The following SEMA3E variants were observed in gnomAD, a reference collection of about 807,000 sequenced individuals.
The protein encoded by SEMA3E is semaphorin 3E.
A neutral mutation model predicts 93.6 loss-of-function variants in SEMA3E; 49 were observed. The ratio of observed to expected loss-of-function variants is 0.52; its 90% confidence interval spans 0.42 to 0.66. SEMA3E has a LOEUF of 0.66. Ranked by LOEUF, SEMA3E falls within the 30% of genes least tolerant of loss-of-function variation. The probability of loss-of-function intolerance (pLI) is 0.00; values close to 1 mark genes in which losing one functional copy is unlikely to be tolerated. For synonymous variants in SEMA3E, 363 were observed against 330.7 expected, an observed-to-expected ratio of 1.10 and a Z score of -1.06; for missense variants, 906 against 964.8, an observed-to-expected ratio of 0.94 and a Z score of 0.81.
At chr7:83,376,846 T>C (rs150170298) in intron 16 of SEMA3E, among the ~76,000 whole-genome samples, 1 of 152,146 alleles carries the variant, frequency 6.6e-6, no homozygotes, top group East Asian at 1.9e-4. Context: ...GAAACACATA[T>C]TTCCTCTTAA....
chr7:83,647,766 T>C (rs1428308142), intron 1 of SEMA3E, among the ~76,000 whole-genome samples: 1 of 152,224 alleles, frequency 6.6e-6, no homozygotes, highest in Non-Finnish European at 1.5e-5. Flanking sequence ...TGAATACTAA[T>C]ACTTTAATCC....
intron 4 of SEMA3E, among the ~76,000 whole-genome samples, chr7:83,443,546 T>C (rs1405592042): frequency 6.6e-6 from 1 of 152,098 alleles, no homozygotes; most frequent in Non-Finnish European, 1.5e-5. Context: ...AGGGTTGAAA[T>C]AAAAGCAGTT....
intron 1 of SEMA3E, among the ~76,000 whole-genome samples, chr7:83,503,136 A>G (rs909867696): frequency 2.6e-5 from 4 of 151,970 alleles, no homozygotes; most frequent in African/African-American, 9.7e-5. Context: ...CAGGGCTCAT[A>G]ATATAGGCTC....
intron 1 of SEMA3E, chr7:83,612,750 A>G (rs1056734980): frequency 1.3e-5 from 2 of 152,164 alleles, no homozygotes; most frequent in African/African-American, 4.8e-5. Flanking sequence ...ACAAGCCCAC[A>G]CTTGCCCTTG....
At chr7:83,621,451 C>G (rs890751873) in intron 1 of SEMA3E, among the ~76,000 whole-genome samples, 8 of 152,084 alleles carry the variant, frequency 5.3e-5, no homozygotes, top group African/African-American at 1.9e-4. Flanking sequence ...ATGCCATTCC[C>G]ATTAAACTAC....
At chr7:83,646,216 G>A (rs555099280) in intron 1 of SEMA3E, among the ~76,000 whole-genome samples, 6 of 152,150 alleles carry the variant, frequency 3.9e-5, no homozygotes, top group South Asian at 2.1e-4. Context: ...AACACTTGTC[G>A]TTACTGACAT....
Position 83,400,128 on chromosome 7 carries a change from T to C in SEMA3E, c.1266A>G (p.Pro422=). 3.1e-6 allele frequency: 5 copies of C among 1,614,040 alleles called. No homozygotes were observed. Among genetic ancestry groups the C allele is most frequent in the Non-Finnish European group, 4.2e-6 (5 of 1,179,962 alleles). ...ATTTTCCATCTGTTTTTACCAATAT[T>C]GGTTTTTTATGGGCAGGTTTTATGG... ...YQAIKPAHKK[P]ILVKTDGKYN... Residue 422 remains proline (P), a synonymous_variant, in exon 11 of 17, where the codon CCA becomes CCG. Transcript: ENST00000643230.
chr7:83,445,897 G>A (rs964985850), intron 4 of SEMA3E, among the ~76,000 whole-genome samples: 7 of 152,126 alleles, frequency 4.6e-5, no homozygotes, highest in African/African-American at 1.7e-4. Context: ...TTTTAAATAG[G>A]AGATATTTCA....
chr7:83,408,456 G>A lies in SEMA3E; in HGVS notation c.582C>T (p.Asp194=). Residue 194 remains aspartate (D), a synonymous_variant, in exon 6 of 17, where the codon GAC becomes GAT. Transcript: ENST00000643230. ...AGATCGCAGCGTCTCTGCTCCAGTA[G>A]TCACTGTAGAGTCCAGCAAACAATT... ...GSELFAGLYS[D]YWSRDAAIFR... is the part of the protein sequence containing the mutation. 6.2e-7 allele frequency: 1 copy of A among 1,613,728 alleles called. No individual in the cohort carries two copies. The highest frequency in any genetic ancestry group is 8.5e-7 in the Non-Finnish European group (1 of 1,179,800).
intron 1 of SEMA3E, among the ~76,000 whole-genome samples, chr7:83,570,144 G>A (rs1248566439): frequency 2.6e-5 from 4 of 151,996 alleles, no homozygotes; most frequent in Admixed American, 6.6e-5. Flanking sequence ...GAAAACTAAG[G>A]CAGAAATCAA....
chr7:83,598,674 T>C (rs1385274433), intron 1 of SEMA3E, among the ~76,000 whole-genome samples: 1 of 152,110 alleles, frequency 6.6e-6, no homozygotes, highest in Non-Finnish European at 1.5e-5. Flanking sequence ...CTGGGAGAAG[T>C]CCAATCTTGT....
chr7:83,488,695 T>C (rs1485646450), intron 2 of SEMA3E, among the ~76,000 whole-genome samples: 2 of 152,122 alleles, frequency 1.3e-5, no homozygotes, highest in African/African-American at 4.8e-5. Context: ...GTGGTGGGCC[T>C]GAGAAACTGA....
rs1424610248 is a variant in SEMA3E at position 83,526,462 on chromosome 7, G to A, written c.116-36188C>T. Among the ~76,000 whole-genome samples, 3 of 152,130 alleles carry A rather than the reference G, an allele frequency of 2.0e-5. No homozygotes were observed. In the East Asian group the frequency reaches 5.8e-4, roughly 29 times the overall value. ...TATTGGATAAGGTAGAAGATCTGGGGTTCCAACTGCTTATTAAACAGACTT... is the reference window on the plus strand; with the variant it reads ...TATTGGATAAGGTAGAAGATCTGGGATTCCAACTGCTTATTAAACAGACTT... On this transcript the variant is annotated intron_variant, in intron 1 of 16. Transcript: ENST00000643230.
intron 1 of SEMA3E, among the ~76,000 whole-genome samples, chr7:83,566,208 G>A (rs1174141358): frequency 3.4e-5 from 5 of 147,822 alleles, no homozygotes; most frequent in South Asian, 4.3e-4. Context: ...GGGTTTTACC[G>A]TGCTGGTCAG....
intron 1 of SEMA3E, among the ~76,000 whole-genome samples, chr7:83,496,327 T>G (rs1161167534): frequency 2.0e-5 from 3 of 151,968 alleles, no homozygotes; most frequent in Non-Finnish European, 4.4e-5. Context: ...AATGAATGCA[T>G]TTTTTGCAGA....
intron 4 of SEMA3E, among the ~76,000 whole-genome samples, chr7:83,454,272 A>AAAATATAT (rs1257792756): frequency 1.9e-4 from 21 of 110,106 alleles, no homozygotes; most frequent in African/African-American, 8.7e-4. Flanking sequence ...AAAAAAAAAA[A>AAAATATAT]ATATATATAT....
At chr7:83,511,200 G>T (rs1484667988) in intron 1 of SEMA3E, among the ~76,000 whole-genome samples, 1 of 151,748 alleles carries the variant, frequency 6.6e-6, no homozygotes, top group Non-Finnish European at 1.5e-5. Context: ...TTTAACTCAT[G>T]CAGTTATAAA....
chr7:83,534,547 A>G (rs979604428), intron 1 of SEMA3E, among the ~76,000 whole-genome samples: 2 of 152,208 alleles, frequency 1.3e-5, no homozygotes, highest in Non-Finnish European at 2.9e-5. Context: ...GGTCTATAAA[A>G]TTGATTTCAC....
rs75349867 is a variant in SEMA3E, at chr7:83,583,244, G to C, written c.115+65184C>G. 3.9e-5 allele frequency among the ~76,000 whole-genome samples: 6 copies of C among 152,158 alleles called. No individual in the cohort carries two copies. The South Asian group carries it at 1.2e-3, about 32-fold the overall frequency. ...TTTTTTAAGTTGATACATAATGATT[G>C]TACATATTTATGGGGTACAGTGTGA... On this transcript the variant is annotated intron_variant, in intron 1 of 16. Transcript: ENST00000643230.
Sources: allele counts gnomAD v4.1 joint callset (sites outside exome capture counted in the v4.1 genomes callset), GRCh38; gene constraint gnomAD v4.1.1; transcripts MANE v1.5; gene names NCBI Gene and HGNC (gene_info 2026-07-23, HGNC 2026-07-21).